PAK4: variants seen among roughly 807,000 people sequenced by gnomAD.
PAK4 encodes p21 (RAC1) activated kinase 4, also known as serine/threonine-protein kinase PAK 4.
PAK4 carries 49 observed loss-of-function variants against 53.5 expected under a neutral mutation model. The observed-to-expected ratio is 0.92, with a 90% CI of 0.73 to 1.16. The LOEUF is 1.16. Among genes scored for constraint, PAK4 ranks in the 50% most tolerant of loss-of-function variants. The probability of loss-of-function intolerance (pLI) is 0.00; values close to 1 mark genes in which losing one functional copy is unlikely to be tolerated. For missense variants in PAK4, 824 were observed against 850.7 expected, an observed-to-expected ratio of 0.97 and a Z score of 0.39; for synonymous variants, 376 against 375.6, an observed-to-expected ratio of 1.00 and a Z score of -0.01.
chr19:39,160,163 C>T (rs1271285876), intron 1 of PAK4, among the ~76,000 whole-genome samples: 3 of 152,222 alleles, frequency 2.0e-5, no homozygotes, highest in Non-Finnish European at 4.4e-5. Flanking sequence ...ATTTTCTCCC[C>T]AGGCGTCAAG....
intron 1 of PAK4, among the ~76,000 whole-genome samples, chr19:39,163,425 G>A (rs775029425): frequency 2.0e-5 from 3 of 152,074 alleles, no homozygotes; most frequent in Non-Finnish European, 4.4e-5. Flanking sequence ...GTTTTTGCAC[G>A]CTCACGTCTG....
intron 1 of PAK4, among the ~76,000 whole-genome samples, chr19:39,151,289 A>T (rs950663550): frequency 6.6e-6 from 1 of 152,224 alleles, no homozygotes; most frequent in African/African-American, 2.4e-5. Context: ...TACTAAATAG[A>T]AAAATACAAA....
chr19:39,130,186 T>TGG (rs2073677288), intron 1 of PAK4, among the ~76,000 whole-genome samples: 1 of 56,890 alleles, frequency 1.8e-5, no homozygotes, highest in African/African-American at 8.3e-5. Flanking sequence ...AGATGGGTCA[T>TGG]GGCGGGATGG....
intron 1 of PAK4, among the ~76,000 whole-genome samples, chr19:39,131,611 T>G (rs1053747315): frequency 9.7e-4 from 147 of 151,928 alleles, no homozygotes; most frequent in African/African-American, 3.3e-3. Flanking sequence ...CCGAGGAGGG[T>G]GAGAAGGGGA....
At chr19:39,182,341 A>G (rs2144914519), downstream of PAK4, 1 of 152,334 alleles carries the variant, frequency 6.6e-6, no homozygotes, top group East Asian at 1.9e-4. Flanking sequence ...AGGTTGGAAA[A>G]TGTAGTGTTT....
At position 39,173,276 on chromosome 19, in the gene PAK4, C is replaced by T. The variant is rs1182389406; in HGVS notation, c.563C>T (p.Pro188Leu). ...CTCTCCGGGCCTGATGTCGGCACCC[C>T]CCAGCCTGCTGGTCTGGCCAGTGGG... Residue 188 changes from proline (P) to leucine (L), a missense_variant, in exon 3 of 9, where the codon CCC becomes CTC. By Grantham distance (98) the Pro-to-Leu change is moderately conservative. Transcript: ENST00000358301. The surrounding 1 kb of genome is among the most constrained non-coding windows in gnomAD (Gnocchi z 6.9). 1 of 1,603,672 alleles carries T rather than the reference C, an allele frequency of 6.2e-7. No individual in the cohort carries two copies.
intron 1 of PAK4, among the ~76,000 whole-genome samples, chr19:39,128,087 G>A (rs2073623834): frequency 6.6e-6 from 1 of 152,162 alleles, no homozygotes; most frequent in African/African-American, 2.4e-5. Flanking sequence ...GCAGTGCTGG[G>A]CCAGAGATGC....
chr19:39,157,204 G>A (rs572373204), intron 1 of PAK4, among the ~76,000 whole-genome samples: 1 of 142,566 alleles, frequency 7.0e-6, no homozygotes, highest in African/African-American at 2.5e-5. Context: ...TGCCTACTGT[G>A]TGTGGTTTTG....
chr19:39,172,961 C>T (rs1276320243), exon 3 of PAK4: 19 of 1,546,328 alleles, frequency 1.2e-5, no homozygotes, highest in Non-Finnish European at 1.3e-5. Flanking sequence ...GGGGCCCTCA[C>T]GCTGCTGCTG....
intron 4 of PAK4, among the ~76,000 whole-genome samples, chr19:39,174,650 T>C (rs1190767243): frequency 4.6e-5 from 7 of 151,958 alleles, no homozygotes; most frequent in Non-Finnish European, 7.4e-5. Flanking sequence ...GTCTCAGCCC[T>C]GTGATTGAAC....
chr19:39,182,047 A>G (rs964553882), downstream of PAK4: 1 of 152,086 alleles, frequency 6.6e-6, no homozygotes, highest in African/African-American at 2.4e-5. Context: ...CCTCCGGGGG[A>G]TGCCGGTGCC....
chr19:39,158,059 CGTGT>C (rs202070035), intron 1 of PAK4, among the ~76,000 whole-genome samples: 2 of 149,092 alleles, frequency 1.3e-5, no homozygotes, highest in Admixed American at 6.7e-5. Context: ...TATTTGTGAG[CGTGT>C]GTGTGAGCAT....
Position 39,175,280 on chromosome 19 carries a change from G to T in PAK4, c.1233-32G>T. ...CCTCGGCACCCCGGGGTGCTGTCCA[G>T]CTGGCTGCTCACCCCCCACCCCACC... On this transcript the variant is annotated intron_variant, in intron 5 of 8. Transcript: ENST00000358301. This position sits in a 1 kb window ranked among gnomAD's most constrained non-coding sequence, Gnocchi z 4.7. The T allele has an allele frequency of 6.4e-7, 1 of 1,555,162 alleles. No individual in the cohort carries two copies.
In PAK4 at chr19:39,172,861, C is replaced by T. The variant is rs565116053; in HGVS notation, c.205-57C>T. 3.9e-5 allele frequency: 54 copies of T among 1,400,446 alleles called. No individual in the cohort carries two copies. The African/African-American group carries it at 6.5e-4, about 17-fold the overall frequency. The allele number at this position is 1,400,446 out of a possible 1,614,324, so 86.8% of individuals were successfully genotyped here. A position where few individuals can be genotyped will look rare whatever the true frequency, so the allele number is the denominator to read the frequency against. On this transcript the variant is annotated intron_variant, in intron 2 of 8. Coordinates refer to ENST00000358301, the Ensembl canonical transcript of PAK4. ...GTCCTGTCCCTGCGTGTCGGATGCA[C>T]GTCCTGTGTGCCCCACTCCTTGCTG...
chr19:39,177,669 C>A lies in PAK4; in HGVS notation c.1486-6C>A. The A allele has an allele frequency of 6.2e-7, 1 of 1,611,300 alleles. No homozygotes were observed. Among genetic ancestry groups the A allele is most frequent in the Non-Finnish European group, 8.5e-7 (1 of 1,178,296 alleles). ...CTCAGCCCTGCTGTCCCTTCTCCCGCCCCAGGTAGACATCTGGTCGCTGGG... is the reference window on the plus strand; with the variant it reads ...CTCAGCCCTGCTGTCCCTTCTCCCGACCCAGGTAGACATCTGGTCGCTGGG... On this transcript the variant is annotated splice_polypyrimidine_tract_variant and splice_region_variant and intron_variant, in intron 7 of 8. Transcript: ENST00000358301.
intron 4 of PAK4, among the ~76,000 whole-genome samples, chr19:39,174,317 G>T (rs1304213187): frequency 6.6e-6 from 1 of 151,858 alleles, no homozygotes; most frequent in Non-Finnish European, 1.5e-5. Flanking sequence ...CCAGGGTACA[G>T]TGTCCTCCAG....
In PAK4 at chr19:39,128,309, G is replaced by A. The variant is rs1272981101; in HGVS notation, c.-23+2390G>A. Among the ~76,000 whole-genome samples the A allele has an allele frequency of 3.9e-5, 6 of 152,160 alleles. No individual in the cohort carries two copies. The East Asian group carries it at 1.2e-3, about 29-fold the overall frequency. Reference sequence around the variant, plus strand: ...GCCACCCCACCACTGCCTGGGGAGGGCCTCAGAGACAGTGGAGGCCCTCGC... The same window carrying A: ...GCCACCCCACCACTGCCTGGGGAGGACCTCAGAGACAGTGGAGGCCCTCGC... On this transcript the variant is annotated intron_variant, in intron 1 of 8. Transcript: ENST00000358301.
chr19:39,127,140 C>T (rs1262815172), intron 1 of PAK4, among the ~76,000 whole-genome samples: 2 of 151,984 alleles, frequency 1.3e-5, no homozygotes, highest in Non-Finnish European at 2.9e-5. Context: ...CAAGGGAGTC[C>T]GACGGGCTTC....
rs185741756 is a variant in PAK4, at chr19:39,133,255, C to T, written c.-23+7336C>T. On this transcript the variant is annotated intron_variant, in intron 1 of 8. Coordinates refer to ENST00000358301, the Ensembl canonical transcript of PAK4. ...TGTTTTGAGGATCTAAATGTATATTCGGCAGGCAAAATGTATAGTAAGTGC... is the reference window on the plus strand; with the variant it reads ...TGTTTTGAGGATCTAAATGTATATTTGGCAGGCAAAATGTATAGTAAGTGC... 2.4e-4 allele frequency among the ~76,000 whole-genome samples: 37 copies of T among 152,304 alleles called. No homozygotes were observed. In the East Asian group the frequency reaches 5.8e-3, roughly 24 times the overall value.
Sources: gnomAD v4.1 joint callset for allele counts (sites outside exome capture counted in the v4.1 genomes callset) on GRCh38, gnomAD v4.1.1 for gene constraint, Gnocchi (gnomAD v3.1) non-coding constraint, MANE v1.5 for transcripts, NCBI Gene and HGNC (gene_info 2026-07-23, HGNC 2026-07-21) for gene names.